Variants in PDZD2 observed in about 807,000 individuals in gnomAD.
PDZD2 encodes the protein PDZ domain containing 2.
In PDZD2, 90 loss-of-function variants were observed where a neutral mutation model predicts 220.7. That is an observed-to-expected ratio of 0.41 (90% CI 0.34 to 0.49). The LOEUF (loss-of-function observed/expected upper bound fraction) is 0.49. Ranked by LOEUF, PDZD2 falls within the 20% of genes least tolerant of loss-of-function variation. The pLI is 0.28. For missense variants in PDZD2, 3,174 were observed against 3,608.5 expected (o/e 0.88, Z 3.08); for synonymous variants, 1,375 against 1,450.5 (o/e 0.95, Z 1.18).
intron 1 of PDZD2, chr5:31,742,365 T>C (rs1342108023): frequency 1.3e-5 from 2 of 152,076 alleles, no homozygotes; most frequent in Admixed American, 6.5e-5. Context: ...ACTGAAATGG[T>C]TGTAAATATT....
intron 1 of PDZD2, among the ~76,000 whole-genome samples, chr5:31,663,119 TAGATGAACA>T (rs1246988222): frequency 2.6e-5 from 4 of 152,218 alleles, no homozygotes. Context: ...CTTTCTGTCT[TAGATGAACA>T]AATTGATCTA....
At chr5:31,759,749 T>C (rs1751521394) in intron 1 of PDZD2, among the ~76,000 whole-genome samples, 1 of 152,080 alleles carries the variant, frequency 6.6e-6, no homozygotes, top group African/African-American at 2.4e-5. Flanking sequence ...TTCACCATGT[T>C]GGCCAGGCTG....
chr5:31,856,280 C>T (rs1297295546), intron 2 of PDZD2, among the ~76,000 whole-genome samples: 1 of 152,116 alleles, frequency 6.6e-6, no homozygotes, highest in Non-Finnish European at 1.5e-5. Flanking sequence ...GGGACCCACC[C>T]ACAGTTAATC....
intron 14 of PDZD2, among the ~76,000 whole-genome samples, chr5:32,069,083 T>C (rs1432301764): frequency 6.6e-6 from 1 of 151,942 alleles, no homozygotes; most frequent in Non-Finnish European, 1.5e-5. Context: ...CTGACCAATA[T>C]ACTGAAACCC....
chr5:31,776,750 G>C (rs1240517076), intron 1 of PDZD2, among the ~76,000 whole-genome samples: 1 of 151,520 alleles, frequency 6.6e-6, no homozygotes, highest in Non-Finnish European at 1.5e-5. Context: ...CTAGGTTCAA[G>C]CTATTCTCCT....
chr5:32,029,603 C>T (rs1021852978), intron 6 of PDZD2, among the ~76,000 whole-genome samples: 6 of 152,090 alleles, frequency 3.9e-5, no homozygotes, highest in Non-Finnish European at 5.9e-5. Flanking sequence ...AGCTGAGGAT[C>T]CCTCACCATA....
At chr5:31,683,612 G>A (rs1030660796) in intron 1 of PDZD2, among the ~76,000 whole-genome samples, 1 of 152,160 alleles carries the variant, frequency 6.6e-6, no homozygotes, top group Admixed American at 6.6e-5. Flanking sequence ...AACGTGCCTG[G>A]GAGATAGTTT....
At position 31,817,965 on chromosome 5, in the gene PDZD2, A is replaced by ATTTT. The variant is rs368621112; in HGVS notation, c.476+18261_476+18264dup. On this transcript the variant is annotated intron_variant, in intron 2 of 24. Coordinates refer to ENST00000438447, the MANE Select transcript of PDZD2 (RefSeq NM_178140.4). The stretch of plus-strand genomic sequence containing the variant: ...TGGCATGAGCCACTGCACCTGGCCA[A>ATTTT]TTTTTTTTTTTTTTTTTTTTTTTAG... 5.0e-3 allele frequency among the ~76,000 whole-genome samples: 566 copies of ATTTT among 112,202 alleles called. 22 individuals are homozygous for ATTTT. The highest frequency in any genetic ancestry group is 0.01 in the African/African-American group (280 of 27,830). The allele number at this position is 112,202 out of a possible 152,430, so 73.6% of individuals were successfully genotyped here.
At chr5:31,678,457 G>T (rs1746529004) in intron 1 of PDZD2, among the ~76,000 whole-genome samples, 2 of 151,952 alleles carry the variant, frequency 1.3e-5, no homozygotes, top group Admixed American at 1.3e-4. Flanking sequence ...GTTCTGGTGG[G>T]GGACGTCTGG....
chr5:32,096,407 C>T (rs953035223), intron 21 of PDZD2, among the ~76,000 whole-genome samples: 5 of 151,812 alleles, frequency 3.3e-5, no homozygotes, highest in Non-Finnish European at 5.9e-5. Flanking sequence ...AACCTCTGCC[C>T]GCTGGGTTCA....
chr5:31,965,503 G>A (rs1748656210), intron 2 of PDZD2, among the ~76,000 whole-genome samples: 1 of 152,226 alleles, frequency 6.6e-6, no homozygotes, highest in African/African-American at 2.4e-5. Context: ...CCATGTTTGG[G>A]TAGACCCAGT....
At chr5:31,938,550 T>C (rs565410088) in intron 2 of PDZD2, among the ~76,000 whole-genome samples, 19 of 152,292 alleles carry the variant, frequency 1.2e-4, no homozygotes, top group Admixed American at 1.3e-4. Context: ...GAAGAACCCA[T>C]TGGGGACCAA....
intron 1 of PDZD2, among the ~76,000 whole-genome samples, chr5:31,767,300 G>A (rs1348881041): frequency 6.6e-6 from 1 of 152,144 alleles, no homozygotes. Context: ...CCAAAGTGCT[G>A]GGATTACAGG....
intron 2 of PDZD2, chr5:31,823,264 AGACCAGCTG>A (rs1378585865): frequency 2.9e-6 from 1 of 339,232 alleles, no homozygotes; most frequent in East Asian, 8.1e-5. Context: ...CAGGAGATCA[AGACCAGCTG>A]GGCCAAGGCA....
At chr5:31,911,060 A>C (rs1264783744) in intron 2 of PDZD2, among the ~76,000 whole-genome samples, 1 of 152,172 alleles carries the variant, frequency 6.6e-6, no homozygotes, top group African/African-American at 2.4e-5. Flanking sequence ...AGAGGTTCAT[A>C]ATATAATTTG....
chr5:32,091,012 C>G lies in PDZD2; in HGVS notation c.7564C>G (p.Pro2522Ala), dbSNP rs771994608. ...TELEITPRRSPGPPAGGVSCP... is the reference protein window; with the variant it reads ...TELEITPRRSAGPPAGGVSCP... ...GCTGGAGATCACCCCCAGGAGGTCA[C>G]CTGGCCCTCCTGCTGGAGGCGTTTC... The change falls in exon 20 of 25, where the codon CCT (proline) becomes GCT (alanine). Residue 2522 changes from proline (P) to alanine (A), a missense_variant. By Grantham distance (27) the Pro-to-Ala change is conservative. Transcript: ENST00000438447. 6.8e-6 allele frequency: 11 copies of G among 1,613,758 alleles called. No individual in the cohort carries two copies. In the Admixed American group the frequency reaches 1.8e-4, roughly 27 times the overall value.
At chr5:31,974,872 G>A (rs1013791592) in intron 2 of PDZD2, among the ~76,000 whole-genome samples, 13 of 152,150 alleles carry the variant, frequency 8.5e-5, no homozygotes, top group African/African-American at 2.2e-4. Context: ...AGCCATGATT[G>A]TGCTACTGCA....
At chr5:32,063,705 G>A (rs547484103) in intron 14 of PDZD2, among the ~76,000 whole-genome samples, 1 of 152,372 alleles carries the variant, frequency 6.6e-6, no homozygotes, top group Admixed American at 6.5e-5. Flanking sequence ...TAATTAGAAT[G>A]TATCTCAAGA....
intron 1 of PDZD2, among the ~76,000 whole-genome samples, chr5:31,765,296 GCTGGAGGA>G (rs1751933939): frequency 6.6e-6 from 1 of 152,114 alleles, no homozygotes; most frequent in Non-Finnish European, 1.5e-5. Flanking sequence ...TGTACTCCTC[GCTGGAGGA>G]TGCTCTTCCT....
Sources: gnomAD v4.1 joint callset for allele counts (sites outside exome capture counted in the v4.1 genomes callset) on GRCh38, gnomAD v4.1.1 for gene constraint, MANE v1.5 for transcripts, NCBI Gene and HGNC (gene_info 2026-07-23, HGNC 2026-07-21) for gene names.